The following SHISA9 variants were observed in gnomAD, a reference collection of about 807,000 sequenced individuals.
SHISA9 encodes protein shisa-9.
SHISA9 carries 13 observed loss-of-function variants against 38.0 expected under a neutral mutation model. The ratio of observed to expected loss-of-function variants is 0.34; its 90% confidence interval spans 0.22 to 0.54. SHISA9 has a LOEUF of 0.54. Ranked by LOEUF, SHISA9 falls within the 20% of genes least tolerant of loss-of-function variation. SHISA9 has a pLI of 0.91. For missense variants in SHISA9, 538 were observed against 575.8 expected, an observed-to-expected ratio of 0.93 and a Z score of 0.67; for synonymous variants, 275 against 242.0, an observed-to-expected ratio of 1.14 and a Z score of -1.27.
the SHISA9 span, among the ~76,000 whole-genome samples, chr16:13,550,142 G>A: frequency 9.3e-3 from 1,422 of 152,126 alleles, 24 homozygotes; most frequent in African/African-American, 0.033. Flanking sequence ...CAAAGCCCCC[G>A]AGGCAGGAGA....
the SHISA9 span, among the ~76,000 whole-genome samples, chr16:13,280,605 A>G: frequency 6.6e-6 from 1 of 151,778 alleles, no homozygotes; most frequent in East Asian, 1.9e-4. Context: ...AATGTTCTAG[A>G]TATCTTACTG....
intron 2 of SHISA9, among the ~76,000 whole-genome samples, chr16:13,070,663 C>G (rs973537292): frequency 6.6e-6 from 1 of 152,180 alleles, no homozygotes; most frequent in Admixed American, 6.5e-5. Flanking sequence ...ATAGCTAACA[C>G]CTATATGTCA....
At chr16:13,406,434 T>G in the SHISA9 span, among the ~76,000 whole-genome samples, 2 of 152,180 alleles carry the variant, frequency 1.3e-5, no homozygotes, top group Non-Finnish European at 2.9e-5. Context: ...CAGTATGACT[T>G]TGGGGTCCTC....
chr16:13,173,377 TACAC>T (rs34832916), intron 2 of SHISA9, among the ~76,000 whole-genome samples: 2,212 of 142,802 alleles, frequency 0.015, 17 homozygotes, highest in Admixed American at 0.033. Flanking sequence ...TGTGTGCATG[TACAC>T]ACACACACAC....
the SHISA9 span, among the ~76,000 whole-genome samples, chr16:13,303,082 G>A: frequency 6.6e-6 from 1 of 152,258 alleles, no homozygotes; most frequent in South Asian, 2.1e-4. Flanking sequence ...CGATGACCCA[G>A]TCAAAATGGC....
intron 2 of SHISA9, among the ~76,000 whole-genome samples, chr16:13,099,113 C>T (rs572964887): frequency 6.6e-5 from 10 of 152,378 alleles, no homozygotes; most frequent in Admixed American, 5.9e-4. Context: ...TTGCAAATAA[C>T]GTTTTGCTGC....
In SHISA9 at chr16:13,143,848, A is replaced by G. The variant is rs142567886; in HGVS notation, c.692-59546A>G. ...CCAAATCCACATTCAGTGACTTTAC[A>G]TCGACTGCTTATAGTTGACCATGGT... On this transcript the variant is annotated intron_variant, in intron 2 of 4. Transcript: ENST00000558583. Among the ~76,000 whole-genome samples the G allele has an allele frequency of 5.6e-3, 849 of 152,326 alleles. 6 individuals carry two copies. Among genetic ancestry groups the G allele is most frequent in the Non-Finnish European group, 8.7e-3 (594 of 68,034 alleles).
chr16:13,352,782 C>G, the SHISA9 span, among the ~76,000 whole-genome samples: 1 of 120,796 alleles, frequency 8.3e-6, no homozygotes, highest in African/African-American at 3.5e-5. Context: ...CTCTGGCGGG[C>G]AGGAGTGGGG....
chr16:12,920,705 T>C (rs1047382611), intron 2 of SHISA9, among the ~76,000 whole-genome samples: 1 of 152,118 alleles, frequency 6.6e-6, no homozygotes, highest in African/African-American at 2.4e-5. Flanking sequence ...TCACCCACTC[T>C]CCCCAATATC....
intron 2 of SHISA9, among the ~76,000 whole-genome samples, chr16:13,132,166 C>T (rs775573061): frequency 2.0e-5 from 3 of 152,090 alleles, no homozygotes; most frequent in Admixed American, 1.3e-4. Context: ...GGCAGACAAT[C>T]GAGGTGTGAA....
intron 2 of SHISA9, among the ~76,000 whole-genome samples, chr16:13,195,686 T>A (rs1057387428): frequency 6.6e-6 from 1 of 152,094 alleles, no homozygotes; most frequent in Non-Finnish European, 1.5e-5. Flanking sequence ...TAGCGATGAG[T>A]CATTATAGTA....
At chr16:13,148,449 C>A (rs577841996) in intron 2 of SHISA9, among the ~76,000 whole-genome samples, 114 of 152,180 alleles carry the variant, frequency 7.5e-4, no homozygotes, top group African/African-American at 2.6e-3. Flanking sequence ...TGCATCAAAA[C>A]CTTTTCACCC....
At chr16:13,030,833 A>G in intron 2 of SHISA9, among the ~76,000 whole-genome samples, 1 of 152,182 alleles carries the variant, frequency 6.6e-6, no homozygotes. Context: ...GAGGAACGCA[A>G]TGGGGAAAAT....
At chr16:13,223,602 G>C (rs407593) in intron 4 of SHISA9, among the ~76,000 whole-genome samples, 1 of 152,036 alleles carries the variant, frequency 6.6e-6, no homozygotes, top group African/African-American at 2.4e-5. Context: ...AAACCAACAC[G>C]TTGGTTCTTT....
the SHISA9 span, among the ~76,000 whole-genome samples, chr16:13,250,902 A>G: frequency 6.6e-6 from 1 of 152,138 alleles, no homozygotes; most frequent in Non-Finnish European, 1.5e-5. Flanking sequence ...GGGCTCAGGA[A>G]TTTGCATTTT....
At chr16:13,232,389 T>A (rs1416287988) in intron 4 of SHISA9, among the ~76,000 whole-genome samples, 1 of 152,178 alleles carries the variant, frequency 6.6e-6, no homozygotes, top group Admixed American at 6.5e-5. Flanking sequence ...CATGTATACC[T>A]ATGTAACCTG....
chr16:13,488,324 A>G, the SHISA9 span, among the ~76,000 whole-genome samples: 1 of 152,034 alleles, frequency 6.6e-6, no homozygotes, highest in East Asian at 1.9e-4. Flanking sequence ...TGTTTTAGTT[A>G]TTAATTATGA....
At chr16:12,934,679 A>T (rs2071505956) in intron 2 of SHISA9, among the ~76,000 whole-genome samples, 1 of 152,154 alleles carries the variant, frequency 6.6e-6, no homozygotes, top group Non-Finnish European at 1.5e-5. Flanking sequence ...CCCTATGGAC[A>T]TTTCAAAGTT....
intron 1 of SHISA9, chr16:12,908,650 C>G: frequency 6.5e-7 from 1 of 1,548,614 alleles, no homozygotes; most frequent in Middle Eastern, 1.7e-4. Context: ...CCAGACTTCT[C>G]AGATCACAGA....
Sources: gnomAD v4.1 joint callset for allele counts (sites outside exome capture counted in the v4.1 genomes callset) on GRCh38, gnomAD v4.1.1 for gene constraint, MANE v1.5 for transcripts, NCBI Gene and HGNC (gene_info 2026-07-23, HGNC 2026-07-21) for gene names.